SNX18: variants seen among roughly 807,000 people sequenced by gnomAD.
SNX18 encodes sorting nexin 18.
In SNX18, 35 loss-of-function variants were observed where a neutral mutation model predicts 48.7. The observed-to-expected ratio is 0.72, with a 90% CI of 0.55 to 0.95. The LOEUF (loss-of-function observed/expected upper bound fraction) is 0.95. SNX18 is among the 40% of genes least tolerant of loss of function. The pLI, the probability that SNX18 is intolerant of heterozygous loss-of-function variation, is 0.00. For missense variants in SNX18, 824 were observed against 871.0 expected (o/e 0.95, Z 0.68); for synonymous variants, 492 against 384.7 (o/e 1.28, Z -3.26).
the SNX18 span, among the ~76,000 whole-genome samples, chr5:54,598,143 T>C: frequency 6.6e-6 from 1 of 152,110 alleles, no homozygotes; most frequent in Non-Finnish European, 1.5e-5. Flanking sequence ...AATGGATAAA[T>C]TCCTAGACAC....
the SNX18 span, among the ~76,000 whole-genome samples, chr5:54,634,385 T>C: frequency 6.6e-6 from 1 of 152,144 alleles, no homozygotes; most frequent in Non-Finnish European, 1.5e-5. Flanking sequence ...TGCTTCCCTT[T>C]GGGTTATTCT....
chr5:54,554,723 T>C, the SNX18 span, among the ~76,000 whole-genome samples: 2 of 152,218 alleles, frequency 1.3e-5, no homozygotes, highest in African/African-American at 4.8e-5. Flanking sequence ...TAAAATGTTT[T>C]CCATTCTTTA....
At chr5:54,616,851 C>G in the SNX18 span, among the ~76,000 whole-genome samples, 5 of 152,096 alleles carry the variant, frequency 3.3e-5, no homozygotes, top group Admixed American at 6.6e-5. Flanking sequence ...TGTGTTTTAA[C>G]CAGGTGCTCA....
At chr5:54,640,932 T>A in the SNX18 span, among the ~76,000 whole-genome samples, 12 of 152,124 alleles carry the variant, frequency 7.9e-5, no homozygotes, top group Non-Finnish European at 1.3e-4. Context: ...TGGTGGCACA[T>A]GCCTGTAGTC....
rs368141304 is a variant in SNX18, at chr5:54,518,615, C to T, written c.663C>T (p.Ser221=). ...PPQHHPSGPK[S]SATVSRNLNR... Reference sequence around the variant, plus strand: ...AGCACCACCCGTCGGGGCCCAAGAGCTCGGCCACCGTGAGCCGCAACCTCA... The same window carrying T: ...AGCACCACCCGTCGGGGCCCAAGAGTTCGGCCACCGTGAGCCGCAACCTCA... Residue 221 remains serine, a synonymous_variant, in exon 1 of 2, where the codon AGC becomes AGT. Transcript: ENST00000381410. 7.0e-6 allele frequency: 11 copies of T among 1,567,444 alleles called. No homozygotes were observed. The African/African-American group carries it at 1.2e-4, about 17-fold the overall frequency.
At chr5:54,540,579 G>C (rs1762449947) in intron 1 of SNX18, among the ~76,000 whole-genome samples, 1 of 152,180 alleles carries the variant, frequency 6.6e-6, no homozygotes, top group South Asian at 2.1e-4. Context: ...ATATAACACA[G>C]TGCAGTTTGT....
intron 1 of SNX18, among the ~76,000 whole-genome samples, 191 bp from the exon 2 acceptor site, chr5:54,542,988 G>A (rs1762500178): frequency 6.6e-6 from 1 of 152,068 alleles, no homozygotes; most frequent in African/African-American, 2.4e-5. Flanking sequence ...CAAAGGGAGT[G>A]TTTTCAGAAA....
chr5:54,608,715 G>A, the SNX18 span, among the ~76,000 whole-genome samples: 1 of 152,206 alleles, frequency 6.6e-6, no homozygotes, highest in African/African-American at 2.4e-5. Flanking sequence ...GCATAGTTGT[G>A]TACGACTGTA....
At chr5:54,535,032 A>T (rs1033328049) in intron 1 of SNX18, among the ~76,000 whole-genome samples, 1 of 152,226 alleles carries the variant, frequency 6.6e-6, no homozygotes, top group African/African-American at 2.4e-5. Context: ...AATGATTTTT[A>T]AAAATTTGAG....
chr5:54,643,632 G>A, the SNX18 span: 1 of 152,174 alleles, frequency 6.6e-6, no homozygotes, highest in Non-Finnish European at 1.5e-5. Flanking sequence ...AATTTTGGAG[G>A]TATCAATTCC....
At chr5:54,540,482 G>T (rs2111596604) in intron 1 of SNX18, among the ~76,000 whole-genome samples, 1 of 152,274 alleles carries the variant, frequency 6.6e-6, no homozygotes, top group Non-Finnish European at 1.5e-5. Context: ...CTCCCAAATT[G>T]CCGGGATTTT....
chr5:54,543,077 G>T, intron 1 of SNX18, 102 bp from the exon 2 acceptor site: 1 of 1,118,848 alleles, frequency 8.9e-7, no homozygotes, highest in Non-Finnish European at 1.2e-6. Context: ...AAAATAGTTT[G>T]GGCAACTATT....
At chr5:54,631,863 A>C in the SNX18 span, among the ~76,000 whole-genome samples, 2 of 152,202 alleles carry the variant, frequency 1.3e-5, no homozygotes, top group Non-Finnish European at 2.9e-5. Context: ...CACTTTAACC[A>C]TTCCTTGTCA....
chr5:54,574,173 C>T, the SNX18 span, among the ~76,000 whole-genome samples: 1 of 152,198 alleles, frequency 6.6e-6, no homozygotes, highest in East Asian at 1.9e-4. Context: ...TACTTGCACA[C>T]CTGATGGTGA....
chr5:54,610,019 G>A, the SNX18 span, among the ~76,000 whole-genome samples: 1 of 152,076 alleles, frequency 6.6e-6, no homozygotes, highest in Non-Finnish European at 1.5e-5. Flanking sequence ...TTCACCATGT[G>A]ACATGCCTGC....
At chr5:54,582,243 T>A in the SNX18 span, among the ~76,000 whole-genome samples, 7 of 152,130 alleles carry the variant, frequency 4.6e-5, no homozygotes, top group African/African-American at 1.7e-4. Context: ...GCACCAGGCA[T>A]CTTGTTCCTT....
At chr5:54,619,631 T>C in the SNX18 span, among the ~76,000 whole-genome samples, 1 of 152,144 alleles carries the variant, frequency 6.6e-6, no homozygotes, top group African/African-American at 2.4e-5. Context: ...GAGAAGAAAG[T>C]GCAAACCAAA....
At position 54,518,789 on chromosome 5, in the gene SNX18, C is replaced by T. The variant is rs368520278; in HGVS notation, c.837C>T (p.Thr279=). 1.7e-5 allele frequency: 27 copies of T among 1,604,176 alleles called. No individual in the cohort carries two copies. The African/African-American group carries it at 3.3e-4, about 20-fold the overall frequency. The change falls in exon 1 of 2, where the codon ACC becomes ACT. Residue 279 remains threonine, a synonymous_variant. Coordinates refer to ENST00000381410, the MANE Select transcript of SNX18 (RefSeq NM_001102575.2). ...AGAACCCCTACCCGTTCCAGTGCAC[C>T]ATCGACGACCCCACCAAGCAGACCA... ...WQENPYPFQC[T]IDDPTKQTKF...
At chr5:54,645,118 A>T in the SNX18 span, 3 of 152,232 alleles carry the variant, frequency 2.0e-5, no homozygotes, top group South Asian at 6.2e-4. Flanking sequence ...TTATTAACTG[A>T]TATATCCTGG....
Sources: allele counts gnomAD v4.1 joint callset (sites outside exome capture counted in the v4.1 genomes callset), GRCh38; gene constraint gnomAD v4.1.1; transcripts MANE v1.5; gene names NCBI Gene and HGNC (gene_info 2026-07-23, HGNC 2026-07-21).